Variants in HERC1 observed in about 807,000 individuals in gnomAD.
HERC1 encodes HECT and RLD domain containing E3 ubiquitin protein ligase family member 1.
A neutral mutation model predicts 554.3 loss-of-function variants in HERC1; 160 were observed. That is an observed-to-expected ratio of 0.29 (90% CI 0.25 to 0.33). The LOEUF is 0.33. Ranked by LOEUF, HERC1 falls within the 10% of genes least tolerant of loss-of-function variation. The pLI is 1.00. For missense variants in HERC1, 4,919 were observed against 5,918.5 expected, an observed-to-expected ratio of 0.83 and a Z score of 5.54; for synonymous variants, 2,175 against 2,131.7, an observed-to-expected ratio of 1.02 and a Z score of -0.56.
intron 1 of HERC1, among the ~76,000 whole-genome samples, chr15:63,820,027 T>C (rs773096342): frequency 6.6e-6 from 1 of 152,224 alleles, no homozygotes; most frequent in Non-Finnish European, 1.5e-5. Context: ...AATGAAGTAA[T>C]GTATATGTAA....
Position 63,663,144 on chromosome 15 carries a change from A to G in HERC1, c.8741T>C (p.Leu2914Ser), listed in dbSNP as rs1458726426. The G allele has an allele frequency of 6.2e-7, 1 of 1,613,914 alleles. No individual in the cohort carries two copies. Among genetic ancestry groups the G allele is most frequent in the African/African-American group, 1.3e-5 (1 of 74,934 alleles). Residue 2914 changes from leucine (L) to serine (S), a missense_variant, in exon 44 of 78, where the codon TTG (leucine) becomes TCG (serine). Around this residue, in one of 11 missense-constraint regions of HERC1, gnomAD observed 1,963 missense variants for 2,228.6 expected, o/e 0.88. Transcript: ENST00000443617. ...RNQSRREGIS[L>S]QQDPGALYDF... ...ATACAACGCCCCTGGGTCTTGCTGC[A>G]AAGATATTCCTTCTCTCCGACTTTG...
chr15:63,666,583 C>A, intron 40 of HERC1, 111 bp from the exon 41 acceptor site: 1 of 678,916 alleles, frequency 1.5e-6, no homozygotes, highest in African/African-American at 1.8e-5. Flanking sequence ...ATGAAATTTT[C>A]CTCTACTCAG....
rs1170051686 is a variant in HERC1, at chr15:63,672,555, A to C, written c.7986T>G (p.Thr2662=). The part of the protein sequence containing the change: ...EDTTTATTPV[T]DTETVPASES... Reference sequence around the variant, plus strand: ...CGGATGCAGGCACTGTTTCTGTGTCAGTGACTGGAGTGGTGGCAGTTGTGG... The same window carrying C: ...CGGATGCAGGCACTGTTTCTGTGTCCGTGACTGGAGTGGTGGCAGTTGTGG... The change falls in exon 39 of 78, where the codon ACT becomes ACG. Residue 2662 remains threonine (T), a synonymous_variant. Coordinates refer to ENST00000443617, the MANE Select transcript of HERC1 (RefSeq NM_003922.4). The C allele has an allele frequency of 6.2e-7, 1 of 1,609,812 alleles. No individual in the cohort carries two copies. Among genetic ancestry groups the C allele is most frequent in the Non-Finnish European group, 8.5e-7 (1 of 1,178,054 alleles).
At chr15:63,773,313 G>A (rs1480827687) in intron 2 of HERC1, among the ~76,000 whole-genome samples, 1 of 151,474 alleles carries the variant, frequency 6.6e-6, no homozygotes, top group Non-Finnish European at 1.5e-5. Context: ...GCATGCTAGT[G>A]CACACCTGTA....
At chr15:63,658,500 A>C in intron 48 of HERC1, 44 bp downstream of exon 48, 2 of 1,542,520 alleles carry the variant, frequency 1.3e-6, no homozygotes, top group African/African-American at 1.4e-5. Context: ...GCTAATGTAC[A>C]CTAGAAGTTA....
rs770210748 is a variant in HERC1 at position 63,716,487 on chromosome 15, T to C, written c.3979-14A>G. 4.4e-6 allele frequency: 7 copies of C among 1,574,426 alleles called. No homozygotes were observed. The highest frequency in any genetic ancestry group is 5.2e-6 in the Non-Finnish European group (6 of 1,163,520). Reference sequence around the variant, plus strand: ...GTTTTCTGATATCTTAAAGAAATTATCAGAAACTACACTAAATACATTTTT... The same window carrying C: ...GTTTTCTGATATCTTAAAGAAATTACCAGAAACTACACTAAATACATTTTT... On this transcript the variant is annotated splice_polypyrimidine_tract_variant and intron_variant, in intron 21 of 77. Transcript: ENST00000443617.
At chr15:63,757,766 G>A (rs1422659207) in intron 4 of HERC1, among the ~76,000 whole-genome samples, 8 of 152,184 alleles carry the variant, frequency 5.3e-5, no homozygotes, top group Admixed American at 5.2e-4. Flanking sequence ...CTGGAATGCA[G>A]TGGCATGTTC....
At chr15:63,774,576 TAACTC>T (rs1596220277) in intron 2 of HERC1, 113 bp downstream of exon 2, 3 of 747,120 alleles carry the variant, frequency 4.0e-6, no homozygotes, top group Non-Finnish European at 6.5e-6. Flanking sequence ...AATATTTAAT[TAACTC>T]AACAATCACC....
intron 12 of HERC1, among the ~76,000 whole-genome samples, chr15:63,741,534 C>G (rs908708795): frequency 1.3e-5 from 2 of 152,108 alleles, no homozygotes; most frequent in African/African-American, 4.8e-5. Flanking sequence ...GTCTTGAACT[C>G]GACTTCAGGT....
At chr15:63,768,966 G>A (rs1359202152) in intron 2 of HERC1, among the ~76,000 whole-genome samples, 2 of 152,162 alleles carry the variant, frequency 1.3e-5, no homozygotes, top group African/African-American at 2.4e-5. Context: ...AATACTGGGA[G>A]CCTTTAATAA....
At chr15:63,739,069 A>G (rs917233113) in intron 12 of HERC1, among the ~76,000 whole-genome samples, 1 of 151,902 alleles carries the variant, frequency 6.6e-6, no homozygotes, top group Non-Finnish European at 1.5e-5. Context: ...TAGTCTATTC[A>G]GAGTTGTGCA....
chr15:63,624,025 C>T, intron 72 of HERC1, 133 bp downstream of exon 72: 1 of 1,229,068 alleles, frequency 8.1e-7, no homozygotes, highest in Non-Finnish European at 1.2e-6. Context: ...GTAACCACAC[C>T]AGGTACTAAT....
chr15:63,795,479 G>A (rs1382625113), intron 1 of HERC1, among the ~76,000 whole-genome samples: 2 of 152,050 alleles, frequency 1.3e-5, no homozygotes, highest in Non-Finnish European at 2.9e-5. Context: ...CATTTAATTG[G>A]AATTTTAAGT....
At chr15:63,663,451 T>C (rs2070456632) in intron 43 of HERC1, among the ~76,000 whole-genome samples, 1 of 152,170 alleles carries the variant, frequency 6.6e-6, no homozygotes, top group South Asian at 2.1e-4. Context: ...CGATGCTTTA[T>C]AATGTTTTTG....
chr15:63,734,872 T>A lies in HERC1; in HGVS notation c.2521-23A>T, dbSNP rs757808751. On this transcript the variant is annotated intron_variant, in intron 12 of 77. Transcript: ENST00000443617. The surrounding 1 kb of genome is among the most constrained non-coding windows in gnomAD (Gnocchi z 4.6). ...CACCTAATATCAAAAGAGAAAAGTA[T>A]ACTGATTGGCCTGGTTCTTAGTTTT... The A allele has an allele frequency of 3.7e-6, 6 of 1,601,190 alleles. No homozygotes were observed. In the South Asian group the frequency reaches 4.5e-5, roughly 12 times the overall value.
At position 63,638,507 on chromosome 15, in the gene HERC1, G is replaced by C. The variant is rs757379786; in HGVS notation, c.11997C>G (p.Val3999=). The part of the protein sequence containing the change: ...EDWHLGGKCD[V]YLWGAGRHGQ... ...CATGCCTACCAGCACCCCATAAGTA[G>C]ACATCACATTTACCTCCCAGGTGCC... Residue 3999 remains valine (V), a synonymous_variant, in exon 63 of 78, where the codon GTC becomes GTG. Transcript: ENST00000443617. 6.2e-7 allele frequency: 1 copy of C among 1,613,796 alleles called. No homozygotes were observed. Among genetic ancestry groups the C allele is most frequent in the Non-Finnish European group, 8.5e-7 (1 of 1,179,814 alleles).
At chr15:63,753,273 G>A (rs1342070261) in intron 7 of HERC1, among the ~76,000 whole-genome samples, 188 bp from the exon 8 acceptor site, 8 of 152,144 alleles carry the variant, frequency 5.3e-5, no homozygotes, top group Non-Finnish European at 1.5e-5. Context: ...AACAACCACT[G>A]ATAGCCTTTT....
chr15:63,685,036 T>C (rs966958430), intron 34 of HERC1, among the ~76,000 whole-genome samples: 1 of 152,056 alleles, frequency 6.6e-6, no homozygotes, highest in Admixed American at 6.5e-5. Flanking sequence ...AAAATAAAAC[T>C]ATTTTGTCTT....
chr15:63,628,726 G>A lies in HERC1; in HGVS notation c.13056C>T (p.Arg4352=). 3 of 1,613,982 alleles carry A rather than the reference G, an allele frequency of 1.9e-6. No homozygotes were observed. Among genetic ancestry groups the A allele is most frequent in the Non-Finnish European group, 2.5e-6 (3 of 1,179,890 alleles). The change falls in exon 70 of 78, where the codon CGC becomes CGT. Residue 4352 remains arginine (R), a synonymous_variant. Transcript: ENST00000443617. ...GTGCTGTCCATGCAGCACTGTGGCA[G>A]CGGCCAGCCGAGATCTGCCGAACAT... ...GKNVRQISAG[R]CHSAAWTAPP...
Sources: gnomAD v4.1 joint callset for allele counts (sites outside exome capture counted in the v4.1 genomes callset) on GRCh38, gnomAD v4.1.1 for gene constraint, gnomAD v4.1.1 regional missense constraint, Gnocchi (gnomAD v3.1) non-coding constraint, MANE v1.5 for transcripts, NCBI Gene and HGNC (gene_info 2026-07-23, HGNC 2026-07-21) for gene names.